KCNIP4: variants seen among roughly 807,000 people sequenced by gnomAD.
The protein encoded by KCNIP4 is Kv channel-interacting protein 4.
A neutral mutation model predicts 34.0 loss-of-function variants in KCNIP4; 12 were observed. The observed-to-expected ratio is 0.35, with a 90% CI of 0.23 to 0.57. The LOEUF (loss-of-function observed/expected upper bound fraction) is 0.57, where lower values mean the gene tolerates loss of function less well. Among genes scored for constraint, KCNIP4 ranks in the 20% least tolerant of loss-of-function variants. The pLI is 0.83. For synonymous variants in KCNIP4, 124 were observed against 102.2 expected, an observed-to-expected ratio of 1.21 and a Z score of -1.29; for missense variants, 238 against 311.7, an observed-to-expected ratio of 0.76 and a Z score of 1.78.
intron 1 of KCNIP4, among the ~76,000 whole-genome samples, chr4:21,560,127 C>A (rs117931117): frequency 6.6e-6 from 1 of 151,926 alleles, no homozygotes; most frequent in South Asian, 2.1e-4. Context: ...TAAAAATAAG[C>A]AAATAGTGTA....
At chr4:20,896,367 A>G (rs1174196594) in intron 1 of KCNIP4, among the ~76,000 whole-genome samples, 1 of 152,196 alleles carries the variant, frequency 6.6e-6, no homozygotes, top group South Asian at 2.1e-4. Flanking sequence ...ATTCATGTTC[A>G]TCTAGAACTT....
At chr4:21,400,494 C>T (rs13106343) in intron 1 of KCNIP4, among the ~76,000 whole-genome samples, 23,268 of 90,342 alleles carry the variant, frequency 0.26, 2,861 homozygotes, top group Middle Eastern at 0.33. Context: ...TCTCCTCTCC[C>T]CTCCCTTCCC....
intron 1 of KCNIP4, among the ~76,000 whole-genome samples, chr4:20,939,732 T>C (rs907944660): frequency 6.6e-6 from 1 of 152,118 alleles, no homozygotes; most frequent in Non-Finnish European, 1.5e-5. Flanking sequence ...CTGAATTGAC[T>C]ATACCACTTT....
chr4:20,882,693 C>G lies in KCNIP4; in HGVS notation c.78G>C (p.Gln26His). 6.2e-7 allele frequency: 1 copy of G among 1,613,092 alleles called. No homozygotes were observed. The highest frequency in any genetic ancestry group is 1.7e-4 in the Middle Eastern group (1 of 6,056). ...ASSTGGFLYAQNSTKRSIKER... is the reference protein window; with the variant it reads ...ASSTGGFLYAHNSTKRSIKER... ...CTTTAATGCTGCGCTTGGTGCTGTT[C>G]TGAGCGTACAGGAAACCTAGAAGAT... Residue 26 changes from glutamine to histidine, a missense_variant, in exon 2 of 9, where the codon CAG becomes CAC. Gln to His is a conservative substitution (Grantham distance 24, BLOSUM62 0). Transcript: ENST00000382152.
chr4:21,517,374 G>C (rs1319264774), intron 1 of KCNIP4, among the ~76,000 whole-genome samples: 1 of 152,114 alleles, frequency 6.6e-6, no homozygotes, highest in Non-Finnish European at 1.5e-5. Context: ...AAAGCAGAGA[G>C]TTTTGAACCT....
intron 1 of KCNIP4, among the ~76,000 whole-genome samples, chr4:21,474,366 A>T (rs1730735510): frequency 6.6e-6 from 1 of 152,184 alleles, no homozygotes; most frequent in South Asian, 2.1e-4. Flanking sequence ...TGCAGATGAA[A>T]AAAGCAATGT....
At chr4:21,253,220 ATCT>A (rs1432939359) in intron 1 of KCNIP4, among the ~76,000 whole-genome samples, 1 of 152,104 alleles carries the variant, frequency 6.6e-6, no homozygotes, top group East Asian at 1.9e-4. Flanking sequence ...GCCTTGACAA[ATCT>A]TATACTCCTT....
intron 1 of KCNIP4, among the ~76,000 whole-genome samples, chr4:21,113,370 C>T (rs1749392607): frequency 6.7e-6 from 1 of 149,458 alleles, no homozygotes; most frequent in Non-Finnish European, 1.5e-5. Flanking sequence ...GATTCCCCTC[C>T]TGTCACTTCT....
chr4:21,025,573 A>G (rs1202279226), intron 1 of KCNIP4, among the ~76,000 whole-genome samples: 1 of 2,848 alleles, frequency 3.5e-4, no homozygotes, highest in Non-Finnish European at 8.7e-4. Flanking sequence ...TTTTTTTTTG[A>G]GACGGAGTCT....
chr4:21,204,711 G>C (rs1756725155), intron 1 of KCNIP4, among the ~76,000 whole-genome samples: 1 of 152,168 alleles, frequency 6.6e-6, no homozygotes, highest in Non-Finnish European at 1.5e-5. Flanking sequence ...TAAGCAGAAG[G>C]AAACATTGGA....
intron 1 of KCNIP4, among the ~76,000 whole-genome samples, chr4:21,655,808 C>T (rs761132581): frequency 3.9e-5 from 6 of 152,148 alleles, no homozygotes; most frequent in Non-Finnish European, 7.4e-5. Flanking sequence ...TTTAACAGAT[C>T]ACCATGCATA....
At chr4:21,291,646 G>A (rs1427540003) in intron 1 of KCNIP4, among the ~76,000 whole-genome samples, 1 of 151,380 alleles carries the variant, frequency 6.6e-6, no homozygotes, top group Admixed American at 6.6e-5. Flanking sequence ...TCAGGAGATC[G>A]AGACCATCCT....
chr4:20,789,724 C>T (rs1312047790), intron 3 of KCNIP4, among the ~76,000 whole-genome samples: 1 of 151,382 alleles, frequency 6.6e-6, no homozygotes, highest in African/African-American at 2.4e-5. Context: ...TGGCTGCCAA[C>T]CTGCCAACTA....
intron 1 of KCNIP4, among the ~76,000 whole-genome samples, chr4:21,663,423 T>G (rs989677634): frequency 6.6e-6 from 1 of 151,988 alleles, no homozygotes; most frequent in Non-Finnish European, 1.5e-5. Context: ...GGGAGCGGAG[T>G]GTAAGCCTTT....
At chr4:21,133,501 GT>G (rs1277517090) in intron 1 of KCNIP4, among the ~76,000 whole-genome samples, 3 of 152,040 alleles carry the variant, frequency 2.0e-5, no homozygotes, top group Non-Finnish European at 4.4e-5. Context: ...TCCACATCTT[GT>G]GCTACCTTTT....
At chr4:21,108,929 G>A (rs1367066737) in intron 1 of KCNIP4, among the ~76,000 whole-genome samples, 5 of 152,156 alleles carry the variant, frequency 3.3e-5, no homozygotes, top group African/African-American at 9.7e-5. Context: ...CGTGAACCAC[G>A]AATGCTGCTG....
chr4:21,380,587 C>G (rs1372962207), intron 1 of KCNIP4, among the ~76,000 whole-genome samples: 2 of 151,670 alleles, frequency 1.3e-5, no homozygotes, highest in Non-Finnish European at 2.9e-5. Flanking sequence ...GTTTGACTTT[C>G]AAGAATAAAT....
At chr4:20,922,407 G>A (rs1729470629) in intron 1 of KCNIP4, among the ~76,000 whole-genome samples, 1 of 152,166 alleles carries the variant, frequency 6.6e-6, no homozygotes. Flanking sequence ...AGACATTGTA[G>A]CGTCTGGTTC....
At chr4:21,058,126 C>G (rs1743583457) in intron 1 of KCNIP4, among the ~76,000 whole-genome samples, 1 of 152,034 alleles carries the variant, frequency 6.6e-6, no homozygotes, top group Non-Finnish European at 1.5e-5. Context: ...AAAAACCTAT[C>G]TAGATATTTT....
Sources: gnomAD v4.1 joint callset for allele counts (sites outside exome capture counted in the v4.1 genomes callset) on GRCh38, gnomAD v4.1.1 for gene constraint, MANE v1.5 for transcripts, NCBI Gene and HGNC (gene_info 2026-07-23, HGNC 2026-07-21) for gene names.